The following ANK2 variants were observed in gnomAD, a reference collection of about 807,000 sequenced individuals.
ANK2 encodes the protein ankyrin-2.
Under a neutral mutation model 360.5 loss-of-function variants are expected in ANK2, and 83 were observed. That is an observed-to-expected ratio of 0.23 (90% CI 0.19 to 0.28). The LOEUF is 0.28. ANK2 is among the 10% of genes least tolerant of loss of function. The probability of loss-of-function intolerance (pLI) is 1.00; values close to 1 mark genes in which losing one functional copy is unlikely to be tolerated. For missense variants in ANK2, 4,201 were observed against 4,795.7 expected, an observed-to-expected ratio of 0.88 and a Z score of 3.66; for synonymous variants, 1,740 against 1,759.5, an observed-to-expected ratio of 0.99 and a Z score of 0.28.
At chr4:113,220,824 T>G (rs1163707920) in intron 4 of ANK2, among the ~76,000 whole-genome samples, 2 of 152,174 alleles carry the variant, frequency 1.3e-5, no homozygotes, top group Admixed American at 6.5e-5. Flanking sequence ...TGTCAGGAAC[T>G]AAGGAAAATA....
intron 2 of ANK2, among the ~76,000 whole-genome samples, chr4:113,007,528 G>A (rs1310321995): frequency 6.6e-6 from 1 of 152,066 alleles, no homozygotes; most frequent in Non-Finnish European, 1.5e-5. Flanking sequence ...CCCCATCTCA[G>A]AAGAAAACTA....
chr4:113,100,841 C>T (rs2092709014), intron 1 of ANK2, among the ~76,000 whole-genome samples: 1 of 152,076 alleles, frequency 6.6e-6, no homozygotes, highest in East Asian at 1.9e-4. Context: ...GCTGTAAGGG[C>T]ATATGGCTAA....
At chr4:113,267,510 C>T (rs1447287210) in intron 14 of ANK2, among the ~76,000 whole-genome samples, 1 of 152,136 alleles carries the variant, frequency 6.6e-6, no homozygotes, top group African/African-American at 2.4e-5. Flanking sequence ...ATAGGGAATC[C>T]TTTTCCCATT....
intron 2 of ANK2, among the ~76,000 whole-genome samples, chr4:113,012,744 A>G (rs2055191775): frequency 6.6e-6 from 1 of 152,172 alleles, no homozygotes. Flanking sequence ...GTATTCCAAG[A>G]GTCAAATGAA....
rs563858634 is a variant in ANK2, at chr4:113,363,617, G to A, written c.10888+148G>A. On this transcript the variant is annotated intron_variant, in intron 40 of 45. Transcript: ENST00000357077. ...CTTGAGTAATATCATTTTGTTCAGT[G>A]TCATTTCCTTATAACATTGATGAGA... The A allele has an allele frequency of 1.8e-5, 16 of 868,432 alleles. No individual in the cohort carries two copies. In the African/African-American group the frequency reaches 2.0e-4, roughly 11 times the overall value. 53.8% of individuals were successfully genotyped at this position (868,432 alleles called of 1,614,324 possible). A position where few individuals can be genotyped will look rare whatever the true frequency, so the allele number is the denominator to read the frequency against.
chr4:113,257,818 T>C (rs899848852), intron 11 of ANK2, among the ~76,000 whole-genome samples: 1 of 152,220 alleles, frequency 6.6e-6, no homozygotes, highest in Admixed American at 6.5e-5. Context: ...CACTTTTGTT[T>C]TCCCTGTAAC....
chr4:113,052,554 AT>A (rs1414460447), intron 1 of ANK2, among the ~76,000 whole-genome samples: 1 of 152,128 alleles, frequency 6.6e-6, no homozygotes, highest in African/African-American at 2.4e-5. Context: ...CAGACCTACA[AT>A]GTGAGAAAAC....
chr4:113,134,985 T>A (rs910149502), intron 1 of ANK2, among the ~76,000 whole-genome samples: 1 of 152,192 alleles, frequency 6.6e-6, no homozygotes, highest in Non-Finnish European at 1.5e-5. Flanking sequence ...GCACAATTAC[T>A]ACAGTTAGCA....
At chr4:113,143,791 G>T (rs1039612370) in intron 1 of ANK2, among the ~76,000 whole-genome samples, 1 of 152,118 alleles carries the variant, frequency 6.6e-6, no homozygotes, top group Non-Finnish European at 1.5e-5. Flanking sequence ...CTTAGTAAAA[G>T]AATTTATAAG....
intron 2 of ANK2, among the ~76,000 whole-genome samples, chr4:112,972,255 C>A (rs1253890240): frequency 6.6e-6 from 1 of 152,028 alleles, no homozygotes; most frequent in Non-Finnish European, 1.5e-5. Context: ...TCTACATGTG[C>A]CATGGTGGTT....
chr4:113,240,678 T>C (rs1020851345), intron 8 of ANK2, 95 bp downstream of exon 8: 63 of 1,091,794 alleles, frequency 5.8e-5, no homozygotes, highest in Non-Finnish European at 8.5e-5. Flanking sequence ...AAGATTTTAC[T>C]TCTTTTTCCT....
At chr4:112,815,425 C>T (rs182883186), upstream of ANK2, among the ~76,000 whole-genome samples, 1 of 152,212 alleles carries the variant, frequency 6.6e-6, no homozygotes, top group African/African-American at 2.4e-5. Flanking sequence ...ATATTCATCC[C>T]TAGTTTCTGA....
At chr4:113,077,769 A>G (rs1387264879) in intron 1 of ANK2, among the ~76,000 whole-genome samples, 2 of 152,234 alleles carry the variant, frequency 1.3e-5, no homozygotes, top group East Asian at 3.8e-4. Flanking sequence ...ACAACTGGCT[A>G]CAGAATCAAA....
intron 2 of ANK2, among the ~76,000 whole-genome samples, chr4:113,005,775 G>A (rs1034493296): frequency 5.3e-5 from 8 of 152,142 alleles, no homozygotes; most frequent in African/African-American, 1.2e-4. Flanking sequence ...CATTTGGGTC[G>A]TGGTGGTGGA....
At chr4:112,886,154 C>T (rs1182630863) in intron 1 of ANK2, among the ~76,000 whole-genome samples, 3 of 152,136 alleles carry the variant, frequency 2.0e-5, no homozygotes, top group African/African-American at 4.8e-5. Flanking sequence ...AAAAGCTGAT[C>T]TGCACGTGTA....
In ANK2 at chr4:113,186,584, C is replaced by T. The variant is rs767372874; in HGVS notation, c.187-9784C>T. Reference sequence around the variant, plus strand: ...TGTCTCTCTCTCTCTCTCTCTCTCTCTCTTCTCTCTCTCTCTCTCTCTCCC... The same window carrying T: ...TGTCTCTCTCTCTCTCTCTCTCTCTTTCTTCTCTCTCTCTCTCTCTCTCCC... On this transcript the variant is annotated intron_variant, in intron 2 of 45. Coordinates refer to ENST00000357077, the MANE Select transcript of ANK2 (RefSeq NM_001148.6). Among the ~76,000 whole-genome samples, 477 of 56,718 alleles carry T rather than the reference C, an allele frequency of 8.4e-3. 4 individuals carry two copies. The highest frequency in any genetic ancestry group is 0.018 in the Admixed American group (122 of 6,620). The allele number at this position is 56,718 out of a possible 152,430, so 37.2% of individuals were successfully genotyped here.
intron 2 of ANK2, among the ~76,000 whole-genome samples, chr4:113,027,490 C>T (rs2059531340): frequency 6.6e-6 from 1 of 152,072 alleles, no homozygotes; most frequent in Admixed American, 6.6e-5. Flanking sequence ...TACCTGCAGC[C>T]CTTCTACTGA....
intron 4 of ANK2, among the ~76,000 whole-genome samples, chr4:113,224,896 T>TA (rs1466307894): frequency 7.5e-6 from 1 of 133,414 alleles, no homozygotes. Flanking sequence ...TTTTTTTTTT[T>TA]AATTTTAAGA....
At chr4:112,778,765 G>A in the ANK2 span, among the ~76,000 whole-genome samples, 2 of 152,192 alleles carry the variant, frequency 1.3e-5, no homozygotes. Flanking sequence ...TGGAATGTGG[G>A]AGTGGCTGTT....
Sources: gnomAD v4.1 joint callset for allele counts (sites outside exome capture counted in the v4.1 genomes callset) on GRCh38, gnomAD v4.1.1 for gene constraint, MANE v1.5 for transcripts, NCBI Gene and HGNC (gene_info 2026-07-23, HGNC 2026-07-21) for gene names.